LYSMD1: variants seen among roughly 807,000 people sequenced by gnomAD.
The protein encoded by LYSMD1 is LysM domain containing 1.
A neutral mutation model predicts 19.3 loss-of-function variants in LYSMD1; 9 were observed. The observed-to-expected ratio is 0.47, with a 90% CI of 0.28 to 0.81. The LOEUF (loss-of-function observed/expected upper bound fraction) is 0.81. Among genes scored for constraint, LYSMD1 ranks in the 40% least tolerant of loss-of-function variants. LYSMD1 has a pLI of 0.11. For synonymous variants in LYSMD1, 111 were observed against 111.7 expected (o/e 0.99, Z 0.04); for missense variants, 262 against 279.8 (o/e 0.94, Z 0.45).
At chr1:151,159,091 G>A (rs1380251616), downstream of LYSMD1, 2 of 1,614,148 alleles carry the variant, frequency 1.2e-6, no homozygotes. Flanking sequence ...AGAGTTGGTG[G>A]AACACCACCT....
In LYSMD1 at chr1:151,160,813, A is replaced by AC; in HGVS notation, c.*68dup. 2 of 1,554,180 alleles carry AC rather than the reference A, an allele frequency of 1.3e-6. No individual in the cohort carries two copies. The highest frequency in any genetic ancestry group is 1.8e-6 in the Non-Finnish European group (2 of 1,135,256). On this transcript the variant is annotated 3_prime_UTR_variant, in exon 3 of 3. Coordinates refer to ENST00000368908, the MANE Select transcript of LYSMD1 (RefSeq NM_212551.5). ...CTCATAAGCCATGTTCTTGAGCCTC[A>AC]CCTCAGGCTCCTCTCCCCCTGAAGT...
In LYSMD1 at chr1:151,161,820, G is replaced by A. The variant is rs1035101785; in HGVS notation, c.461C>T (p.Ala154Val). 2 of 1,613,422 alleles carry A rather than the reference G, an allele frequency of 1.2e-6. No homozygotes were observed. Among genetic ancestry groups the A allele is most frequent in the African/African-American group, 1.3e-5 (1 of 74,846 alleles). Residue 154 changes from alanine (A) to valine (V), a missense_variant, in exon 2 of 3, where the codon GCC (alanine) becomes GTC (valine). By Grantham distance (64) the Ala-to-Val change is moderately conservative. Coordinates refer to ENST00000368908, the MANE Select transcript of LYSMD1 (RefSeq NM_212551.5). ...ATCAAGCTTCTTAAGGAAATCAGAGGCAGAGAGGTCATGGATGGGCGTGGG... is the reference window on the plus strand; with the variant it reads ...ATCAAGCTTCTTAAGGAAATCAGAGACAGAGAGGTCATGGATGGGCGTGGG... ...ETPTPIHDLS[A>V]SDFLKKLDSQ...
At chr1:151,155,708 C>T (rs1683202038), downstream of LYSMD1, among the ~76,000 whole-genome samples, 1 of 152,030 alleles carries the variant, frequency 6.6e-6, no homozygotes, top group African/African-American at 2.4e-5. Flanking sequence ...AGAGTGAGAC[C>T]CTATCTCAAA....
At chr1:151,151,352 G>C in the LYSMD1 span, among the ~76,000 whole-genome samples, 14 of 137,544 alleles carry the variant, frequency 1.0e-4, no homozygotes, top group African/African-American at 4.3e-4. Flanking sequence ...ACCATGCCCA[G>C]CTAATTTTTT....
chr1:151,164,050 C>T (rs999611629), intron 1 of LYSMD1, among the ~76,000 whole-genome samples: 3 of 151,562 alleles, frequency 2.0e-5, no homozygotes, highest in East Asian at 1.9e-4. Context: ...AGCACCACCA[C>T]GCCCGGCTAA....
At chr1:151,151,795 G>A in the LYSMD1 span, among the ~76,000 whole-genome samples, 4 of 151,824 alleles carry the variant, frequency 2.6e-5, no homozygotes, top group East Asian at 7.9e-4. Flanking sequence ...CGGGCATGGT[G>A]GCGGGCGCCT....
chr1:151,155,013 G>C (rs587776254), downstream of LYSMD1, among the ~76,000 whole-genome samples: 2 of 152,292 alleles, frequency 1.3e-5, no homozygotes, highest in South Asian at 4.2e-4. Flanking sequence ...ACCCACCTTG[G>C]CTTCCCAAAG....
downstream of LYSMD1, among the ~76,000 whole-genome samples, chr1:151,155,633 T>G (rs755767195): frequency 6.6e-6 from 1 of 152,160 alleles, no homozygotes; most frequent in Non-Finnish European, 1.5e-5. Context: ...GGAAGAGCTC[T>G]TGAGCCCAGG....
intron 1 of LYSMD1, among the ~76,000 whole-genome samples, 168 bp from the exon 2 acceptor site, chr1:151,162,268 T>G (rs587622214): frequency 3.7e-4 from 57 of 152,322 alleles, no homozygotes; most frequent in Non-Finnish European, 7.5e-4. Context: ...TTCACACTTT[T>G]TGGTCTTAGG....
the LYSMD1 span, among the ~76,000 whole-genome samples, chr1:151,150,774 G>A: frequency 1.5e-5 from 2 of 132,846 alleles, no homozygotes; most frequent in Non-Finnish European, 3.1e-5. Context: ...TCACTCTGTC[G>A]CCCCAGGCTG....
In LYSMD1 at chr1:151,159,787, C is replaced by T. The variant is rs1202878351; in HGVS notation, c.*1095G>A. On this transcript the variant is annotated 3_prime_UTR_variant, in exon 3 of 3. Transcript: ENST00000368908. ...TGTTTAATCTGTCCAGCTTCGTATA[C>T]CTTATAATCATCACAGAAGAAAGGA... is the stretch of plus-strand genomic sequence containing the variant. 1 of 169,732 alleles carries T rather than the reference C, an allele frequency of 5.9e-6. No homozygotes were observed. Among genetic ancestry groups the T allele is most frequent in the Non-Finnish European group, 1.4e-5 (1 of 69,756 alleles). 10.5% of individuals were successfully genotyped at this position (169,732 alleles called of 1,614,324 possible). A position where few individuals can be genotyped will look rare whatever the true frequency, so the allele number is the denominator to read the frequency against.
At chr1:151,156,705 T>G (rs1434697862), downstream of LYSMD1, 1 of 152,238 alleles carries the variant, frequency 6.6e-6, no homozygotes, top group Non-Finnish European at 1.5e-5. Flanking sequence ...AAGGCAAGAC[T>G]GGCACCCAGC....
rs1280152167 is a variant in LYSMD1, at chr1:151,160,429, C to G, written c.*453G>C. 6.5e-6 allele frequency: 1 copy of G among 153,852 alleles called. No homozygotes were observed. Among genetic ancestry groups the G allele is most frequent in the African/African-American group, 2.4e-5 (1 of 41,218 alleles). The allele number at this position is 153,852 out of a possible 1,614,324, so 9.5% of individuals were successfully genotyped here. ...CACTGTTCCCGGGTTCTCCTCACCC[C>G]AGGGCTATAGAAATTCCATTTTTCA... On this transcript the variant is annotated 3_prime_UTR_variant, in exon 3 of 3. Transcript: ENST00000368908.
At chr1:151,158,288 A>G (rs1683296545), downstream of LYSMD1, among the ~76,000 whole-genome samples, 1 of 149,918 alleles carries the variant, frequency 6.7e-6, no homozygotes, top group Non-Finnish European at 1.5e-5. Flanking sequence ...ACACCACTGC[A>G]CTCCAGCCTG....
chr1:151,159,414 A>C, downstream of LYSMD1: 10 of 702,250 alleles, frequency 1.4e-5, no homozygotes, highest in Non-Finnish European at 1.9e-5. Flanking sequence ...CCACCCCCAA[A>C]CAGCTAGTGG....
At chr1:151,153,342 T>C in the LYSMD1 span, among the ~76,000 whole-genome samples, 5 of 150,568 alleles carry the variant, frequency 3.3e-5, no homozygotes, top group Non-Finnish European at 4.4e-5. Context: ...CTGGGCAAGA[T>C]AGCAAGACCC....
chr1:151,149,832 C>T, the LYSMD1 span, among the ~76,000 whole-genome samples: 3 of 152,220 alleles, frequency 2.0e-5, 1 homozygote, highest in African/African-American at 7.2e-5. Flanking sequence ...TTCAAACTTC[C>T]TCCTTTTTTT....
intron 1 of LYSMD1, among the ~76,000 whole-genome samples, chr1:151,164,396 G>C (rs1683579468): frequency 6.6e-6 from 1 of 152,214 alleles, no homozygotes; most frequent in Non-Finnish European, 1.5e-5. Flanking sequence ...ACATTTGTTT[G>C]AGTGAGATGG....
chr1:151,159,411 CA>C, downstream of LYSMD1: 1 of 743,690 alleles, frequency 1.3e-6, no homozygotes, highest in Non-Finnish European at 2.2e-6. Context: ...AGCCCACCCC[CA>C]AACAGCTAGT....
Sources: gnomAD v4.1 joint callset for allele counts (sites outside exome capture counted in the v4.1 genomes callset) on GRCh38, gnomAD v4.1.1 for gene constraint, MANE v1.5 for transcripts, NCBI Gene and HGNC (gene_info 2026-07-23, HGNC 2026-07-21) for gene names.